ARMC10: variants seen among roughly 807,000 people sequenced by gnomAD.
ARMC10 encodes the protein armadillo repeat containing 10, also known as armadillo repeat-containing protein 10.
Under a neutral mutation model 30.2 loss-of-function variants are expected in ARMC10, and 23 were observed. The ratio of observed to expected loss-of-function variants is 0.76; its 90% confidence interval spans 0.55 to 1.08. ARMC10 has a LOEUF of 1.08. Among genes scored for constraint, ARMC10 ranks in the 50% least tolerant of loss-of-function variants. ARMC10 has a pLI of 0.00. For missense variants in ARMC10, 303 were observed against 413.7 expected, an observed-to-expected ratio of 0.73 and a Z score of 2.32; for synonymous variants, 111 against 164.4, an observed-to-expected ratio of 0.68 and a Z score of 2.48.
At chr7:103,076,508 GCTGTAAAA>G (rs1356374558) in intron 2 of ARMC10, among the ~76,000 whole-genome samples, 1 of 152,182 alleles carries the variant, frequency 6.6e-6, no homozygotes, top group Non-Finnish European at 1.5e-5. Flanking sequence ...TCTTTCTTGG[GCTGTAAAA>G]CTGGCCAAAT....
intron 2 of ARMC10, among the ~76,000 whole-genome samples, chr7:103,082,563 T>C (rs981340085): frequency 6.6e-6 from 1 of 152,076 alleles, no homozygotes; most frequent in Non-Finnish European, 1.5e-5. Context: ...CTCGAACCAC[T>C]GGCCTGAAGT....
At chr7:103,079,059 G>T (rs1448800791) in intron 2 of ARMC10, among the ~76,000 whole-genome samples, 2 of 152,104 alleles carry the variant, frequency 1.3e-5, no homozygotes, top group African/African-American at 4.8e-5. Context: ...TGAGAGCATT[G>T]AAAAAGACGG....
chr7:103,097,164 G>A, intron 5 of ARMC10, 113 bp from the exon 6 acceptor site: 2 of 851,702 alleles, frequency 2.3e-6, no homozygotes, highest in African/African-American at 3.4e-5. Flanking sequence ...TTTGAGCCAG[G>A]CCTGGAAGCT....
intron 3 of ARMC10, 154 bp downstream of exon 3, chr7:103,083,984 T>TG: frequency 1.3e-6 from 2 of 1,484,944 alleles, no homozygotes; most frequent in Non-Finnish European, 1.8e-6. Context: ...TGTTTACTTC[T>TG]GAAAAACACA....
intron 4 of ARMC10, among the ~76,000 whole-genome samples, chr7:103,088,368 A>C (rs2129523107): frequency 6.6e-6 from 1 of 152,324 alleles, no homozygotes; most frequent in East Asian, 1.9e-4. Context: ...TGTTTTAATC[A>C]AAGGTATAGA....
intron 1 of ARMC10, among the ~76,000 whole-genome samples, 153 bp from the exon 2 acceptor site, chr7:103,075,624 C>G (rs111735114): frequency 6.6e-6 from 1 of 152,244 alleles, no homozygotes. Flanking sequence ...TGCCTGAGCT[C>G]CGCGTCACAG....
chr7:103,097,068 C>T (rs1288915628), intron 5 of ARMC10: 1 of 584,282 alleles, frequency 1.7e-6, no homozygotes, highest in Non-Finnish European at 3.1e-6. Context: ...GATAGGTTCT[C>T]TAAGAGTGCT....
At chr7:103,083,438 G>A (rs1468022155) in intron 2 of ARMC10, among the ~76,000 whole-genome samples, 2 of 152,168 alleles carry the variant, frequency 1.3e-5, no homozygotes, top group South Asian at 2.1e-4. Flanking sequence ...GGGCAACATA[G>A]TGAGACCCCC....
intron 5 of ARMC10, among the ~76,000 whole-genome samples, chr7:103,095,014 T>G (rs1326744648): frequency 6.6e-6 from 1 of 152,224 alleles, no homozygotes; most frequent in Non-Finnish European, 1.5e-5. Context: ...TATGTCATCC[T>G]CAAATAAATT....
chr7:103,094,014 TTG>T (rs1801562914), intron 5 of ARMC10, among the ~76,000 whole-genome samples: 1 of 152,250 alleles, frequency 6.6e-6, no homozygotes, highest in Non-Finnish European at 1.5e-5. Flanking sequence ...AATTACAACA[TTG>T]ATTTTCCATA....
At chr7:103,081,413 G>A (rs1244961032) in intron 2 of ARMC10, among the ~76,000 whole-genome samples, 3 of 152,036 alleles carry the variant, frequency 2.0e-5, no homozygotes, top group African/African-American at 4.8e-5. Flanking sequence ...TTACTGTCAC[G>A]CAAGCTGGAG....
At chr7:103,080,327 T>C (rs1409178105) in intron 2 of ARMC10, among the ~76,000 whole-genome samples, 4 of 152,206 alleles carry the variant, frequency 2.6e-5, no homozygotes, top group Non-Finnish European at 5.9e-5. Flanking sequence ...CGATCTCAGC[T>C]CACTGCAACC....
intron 4 of ARMC10, among the ~76,000 whole-genome samples, chr7:103,091,858 C>T (rs1239497206): frequency 6.6e-6 from 1 of 152,140 alleles, no homozygotes; most frequent in African/African-American, 2.4e-5. Flanking sequence ...GGGCAGGGGA[C>T]CCGAGCTCTT....
At position 103,097,361 on chromosome 7, in the gene ARMC10, T is replaced by C; in HGVS notation, c.777+13T>C. The C allele has an allele frequency of 6.4e-7, 1 of 1,571,114 alleles. No homozygotes were observed. Reference sequence around the variant, plus strand: ...TCTCCGTGCCCAAGTAAATAGCTTATATATTTATTTTGTAAATATACACAT... The same window carrying C: ...TCTCCGTGCCCAAGTAAATAGCTTACATATTTATTTTGTAAATATACACAT... On this transcript the variant is annotated intron_variant, in intron 6 of 6. Coordinates refer to ENST00000323716, the MANE Select transcript of ARMC10 (RefSeq NM_031905.5).
intron 4 of ARMC10, among the ~76,000 whole-genome samples, chr7:103,087,568 C>T (rs769472529): frequency 1.3e-5 from 2 of 152,152 alleles, no homozygotes; most frequent in African/African-American, 2.4e-5. Context: ...ATTATTGAAA[C>T]AGGACTCCCA....
At chr7:103,083,444 C>T (rs551983785) in intron 2 of ARMC10, among the ~76,000 whole-genome samples, 3 of 152,162 alleles carry the variant, frequency 2.0e-5, no homozygotes, top group East Asian at 3.9e-4. Flanking sequence ...CATAGTGAGA[C>T]CCCCATCTGT....
At position 103,075,228 on chromosome 7, in the gene ARMC10, G is replaced by A. The variant is rs1379714203; in HGVS notation, c.-45G>A. 1.7e-6 allele frequency: 2 copies of A among 1,146,770 alleles called. No individual in the cohort carries two copies. Among genetic ancestry groups the A allele is most frequent in the Admixed American group, 4.8e-5 (1 of 20,986 alleles). 71.0% of individuals were successfully genotyped at this position (1,146,770 alleles called of 1,614,324 possible). ...GAGACCTCCGCGCTGGCCCCCGCGAGCCTCCTGCCCTGGCCCGGCGCTGCG... is the reference window on the plus strand; with the variant it reads ...GAGACCTCCGCGCTGGCCCCCGCGAACCTCCTGCCCTGGCCCGGCGCTGCG... On this transcript the variant is annotated 5_prime_UTR_variant, in exon 1 of 7. Transcript: ENST00000323716.
At chr7:103,083,328 T>A (rs1037988858) in intron 2 of ARMC10, among the ~76,000 whole-genome samples, 4 of 152,172 alleles carry the variant, frequency 2.6e-5, no homozygotes, top group Non-Finnish European at 5.9e-5. Flanking sequence ...TTAAAAATTT[T>A]AAAAAAACAG....
intron 5 of ARMC10, among the ~76,000 whole-genome samples, chr7:103,094,408 CTG>C (rs1267477987): frequency 1.3e-5 from 2 of 152,184 alleles, no homozygotes; most frequent in Non-Finnish European, 2.9e-5. Context: ...TGTACTCTAA[CTG>C]TATATATATT....
Sources: allele counts gnomAD v4.1 joint callset (sites outside exome capture counted in the v4.1 genomes callset), GRCh38; gene constraint gnomAD v4.1.1; transcripts MANE v1.5; gene names NCBI Gene and HGNC (gene_info 2026-07-23, HGNC 2026-07-21).